The following SLC6A11 variants were observed in gnomAD, a reference collection of about 807,000 sequenced individuals.
SLC6A11 encodes solute carrier family 6 member 11.
A neutral mutation model predicts 74.8 loss-of-function variants in SLC6A11; 25 were observed. The ratio of observed to expected loss-of-function variants is 0.33; its 90% confidence interval spans 0.24 to 0.47. The LOEUF is 0.47. SLC6A11 is among the 20% of genes least tolerant of loss of function. The pLI, the probability that SLC6A11 is intolerant of heterozygous loss-of-function variation, is 1.00. For synonymous variants in SLC6A11, 330 were observed against 330.2 expected (o/e 1.00, Z 0.01); for missense variants, 574 against 837.0 (o/e 0.69, Z 3.88).
At chr3:10,850,493 A>C (rs1694559536) in intron 5 of SLC6A11, among the ~76,000 whole-genome samples, 1 of 152,138 alleles carries the variant, frequency 6.6e-6, no homozygotes, top group South Asian at 2.1e-4. Context: ...AAGCAACATA[A>C]GTATAGTGAG....
chr3:10,857,893 T>G (rs1168089863), intron 5 of SLC6A11, among the ~76,000 whole-genome samples: 3 of 152,234 alleles, frequency 2.0e-5, no homozygotes, highest in Admixed American at 1.3e-4. Flanking sequence ...TAAAACAGCA[T>G]GTATTTCAAT....
intron 6 of SLC6A11, among the ~76,000 whole-genome samples, chr3:10,882,260 A>G (rs1353045254): frequency 3.3e-5 from 5 of 152,186 alleles, no homozygotes; most frequent in African/African-American, 1.2e-4. Context: ...AGAAGTGGGG[A>G]GAATAGCTTC....
chr3:10,826,068 AT>A (rs1197668317), intron 4 of SLC6A11, among the ~76,000 whole-genome samples: 2 of 152,266 alleles, frequency 1.3e-5, no homozygotes, highest in African/African-American at 2.4e-5. Context: ...GGGAATTTTG[AT>A]TAAAAGTCTA....
At chr3:10,929,152 C>G in intron 9 of SLC6A11, 50 bp from the exon 10 acceptor site, 1 of 1,600,092 alleles carries the variant, frequency 6.2e-7, no homozygotes. Context: ...CCTGGGCCAC[C>G]AGGAGCAGCC....
At position 10,939,672 on chromosome 3, in the gene SLC6A11, A is replaced by G. The variant is rs1695802609; in HGVS notation, c.*1270A>G. On this transcript the variant is annotated 3_prime_UTR_variant, in exon 14 of 14. Coordinates refer to ENST00000254488, the MANE Select transcript of SLC6A11 (RefSeq NM_014229.3). ...TCTACCTGCCTCAGTGGCCAGGCGC[A>G]AGGCTACAGGTGCAGTCACCTGTTC... 6.6e-6 allele frequency: 1 copy of G among 152,174 alleles called. No individual in the cohort carries two copies. Among genetic ancestry groups the G allele is most frequent in the Non-Finnish European group, 1.5e-5 (1 of 68,070 alleles). The allele number at this position is 152,174 out of a possible 1,614,324, so 9.4% of individuals were successfully genotyped here. A position where few individuals can be genotyped will look rare whatever the true frequency, so the allele number is the denominator to read the frequency against.
intron 3 of SLC6A11, among the ~76,000 whole-genome samples, chr3:10,820,276 A>C (rs976840443): frequency 6.6e-6 from 1 of 152,364 alleles, no homozygotes; most frequent in South Asian, 2.1e-4. Flanking sequence ...GAGGACCTAC[A>C]GGCCAACCAG....
chr3:10,828,532 G>T (rs1457296476), intron 4 of SLC6A11, among the ~76,000 whole-genome samples: 1 of 152,120 alleles, frequency 6.6e-6, no homozygotes, highest in African/African-American at 2.4e-5. Flanking sequence ...TCTCTCCCAG[G>T]CCTATCTTCC....
chr3:10,828,896 G>A (rs73035885), intron 4 of SLC6A11, among the ~76,000 whole-genome samples: 6,081 of 152,232 alleles, frequency 0.04, 150 homozygotes, highest in East Asian at 0.099. Flanking sequence ...TGGCAAGGAC[G>A]ATGTCTGTTT....
At chr3:10,920,391 T>A (rs745432315) in intron 8 of SLC6A11, among the ~76,000 whole-genome samples, 12 of 152,192 alleles carry the variant, frequency 7.9e-5, no homozygotes, top group Non-Finnish European at 1.6e-4. Context: ...AGCGTGGTGA[T>A]CAAAACTGGA....
At chr3:10,892,918 G>A (rs899607706) in intron 6 of SLC6A11, among the ~76,000 whole-genome samples, 3 of 152,136 alleles carry the variant, frequency 2.0e-5, no homozygotes, top group South Asian at 4.1e-4. Flanking sequence ...CTAAGCAAGC[G>A]TATGATTAAC....
chr3:10,886,934 A>G (rs1176220737), intron 6 of SLC6A11, among the ~76,000 whole-genome samples: 3 of 152,208 alleles, frequency 2.0e-5, no homozygotes, highest in Admixed American at 2.0e-4. Context: ...TTCATTGTTA[A>G]TATCCCCATT....
intron 6 of SLC6A11, among the ~76,000 whole-genome samples, chr3:10,889,066 A>C (rs1420756908): frequency 6.6e-6 from 1 of 152,056 alleles, no homozygotes; most frequent in Non-Finnish European, 1.5e-5. Flanking sequence ...TTGCACATTA[A>C]ATTTTGCAGA....
chr3:10,844,187 A>G (rs1285608229), intron 4 of SLC6A11, 27 bp from the exon 5 acceptor site: 1 of 1,614,068 alleles, frequency 6.2e-7, no homozygotes, highest in Non-Finnish European at 8.5e-7. Flanking sequence ...CCCCAGCCCC[A>G]GTGACTCTCC....
intron 4 of SLC6A11, among the ~76,000 whole-genome samples, chr3:10,842,615 T>G (rs1267959674): frequency 6.6e-6 from 1 of 152,230 alleles, no homozygotes; most frequent in Non-Finnish European, 1.5e-5. Flanking sequence ...CATAAATAAC[T>G]TGGACCTTTT....
chr3:10,891,197 T>A (rs936954344), intron 6 of SLC6A11, among the ~76,000 whole-genome samples: 2 of 152,258 alleles, frequency 1.3e-5, no homozygotes, highest in Non-Finnish European at 2.9e-5. Flanking sequence ...CAGTTTTGAC[T>A]TCTCATTTCT....
At chr3:10,873,780 G>GTCCTC (rs1553671256) in intron 5 of SLC6A11, among the ~76,000 whole-genome samples, 1 of 126,470 alleles carries the variant, frequency 7.9e-6, no homozygotes, top group African/African-American at 3.2e-5. Context: ...GTCCTGTCCT[G>GTCCTC]TCCTATCCTA....
chr3:10,861,158 G>A (rs1356921926), intron 5 of SLC6A11, among the ~76,000 whole-genome samples: 1 of 152,196 alleles, frequency 6.6e-6, no homozygotes, highest in Admixed American at 6.5e-5. Flanking sequence ...CACAGTAGCT[G>A]GCAGATAACA....
chr3:10,935,302 C>A, intron 13 of SLC6A11, 103 bp downstream of exon 13: 1 of 1,043,712 alleles, frequency 9.6e-7, no homozygotes, highest in Non-Finnish European at 1.4e-6. Context: ...CGCCCACCTG[C>A]CTCAAGGGGA....
chr3:10,824,609 A>G (rs916317544), intron 4 of SLC6A11: 1 of 152,078 alleles, frequency 6.6e-6, no homozygotes, highest in Non-Finnish European at 1.5e-5. Flanking sequence ...TAACAACTTT[A>G]TTTCTTTGCT....
Sources: allele counts gnomAD v4.1 joint callset (sites outside exome capture counted in the v4.1 genomes callset), GRCh38; gene constraint gnomAD v4.1.1; transcripts MANE v1.5; gene names NCBI Gene and HGNC (gene_info 2026-07-23, HGNC 2026-07-21).